Variants in DDX10 observed in about 807,000 individuals in gnomAD.
The protein encoded by DDX10 is probable ATP-dependent RNA helicase DDX10.
A neutral mutation model predicts 104.3 loss-of-function variants in DDX10; 74 were observed. The observed-to-expected ratio is 0.71, with a 90% CI of 0.59 to 0.86. DDX10 has a LOEUF of 0.86. DDX10 is among the 40% of genes least tolerant of loss of function. The pLI is 0.00. For missense variants in DDX10, 952 were observed against 1,040.0 expected (o/e 0.92, Z 1.16); for synonymous variants, 351 against 353.4 (o/e 0.99, Z 0.08).
intron 13 of DDX10, among the ~76,000 whole-genome samples, chr11:108,724,617 C>T (rs192158912): frequency 6.6e-6 from 1 of 151,998 alleles, no homozygotes; most frequent in African/African-American, 2.4e-5. Context: ...AAAGTAAATA[C>T]AAGAAGTTAG....
Position 108,719,858 on chromosome 11 carries a change from G to A in DDX10, c.1472G>A (p.Ser491Asn). Reference sequence around the variant, plus strand: ...AAGGATAAAGAAGTATTTGATGTGAGCAAGTTACCTATACCTGAATATGCC... The same window carrying A: ...AAGGATAAAGAAGTATTTGATGTGAACAAGTTACCTATACCTGAATATGCC... ...LMKDKEVFDV[S>N]KLPIPEYALS... The change falls in exon 12 of 18, where the codon AGC (serine) becomes AAC (asparagine). Residue 491 changes from serine (S) to asparagine (N), a missense_variant. Transcript: ENST00000322536. The A allele has an allele frequency of 1.2e-6, 2 of 1,601,156 alleles. No homozygotes were observed. The highest frequency in any genetic ancestry group is 2.7e-5 in the African/African-American group (2 of 74,796).
Position 108,940,693 on chromosome 11 carries a change from A to T in DDX10, c.*270A>T. On this transcript the variant is annotated 3_prime_UTR_variant, in exon 18 of 18. Transcript: ENST00000322536. ...GTTAGATTTTTATCCATGGGTTCCT[A>T]CGCCTTGTCATTGGAAACACTGCCT... 1 of 297,534 alleles carries T rather than the reference A, an allele frequency of 3.4e-6. No individual in the cohort carries two copies. Among genetic ancestry groups the T allele is most frequent in the Non-Finnish European group, 6.3e-6 (1 of 159,542 alleles). The allele number at this position is 297,534 out of a possible 1,614,324, so 18.4% of individuals were successfully genotyped here.
chr11:108,705,936 T>C lies in DDX10; in HGVS notation c.1224-803T>C, dbSNP rs534264874. Among the ~76,000 whole-genome samples, 3 of 152,182 alleles carry C rather than the reference T, an allele frequency of 2.0e-5. No homozygotes were observed. The East Asian group carries it at 5.8e-4, about 29-fold the overall frequency. ...ACTAGGTGAGGGAAGAGAAGTAACA[T>C]GGATTGGAGGCAAGCATTTTACTTG... On this transcript the variant is annotated intron_variant, in intron 9 of 17. Transcript: ENST00000322536.
chr11:108,865,088 G>T (rs1862992311), intron 16 of DDX10, among the ~76,000 whole-genome samples: 1 of 152,204 alleles, frequency 6.6e-6, no homozygotes, highest in Non-Finnish European at 1.5e-5. Context: ...TCCTTGACGG[G>T]TATACCTGTA....
chr11:108,679,563 A>G lies in DDX10; in HGVS notation c.848+3A>G. On this transcript the variant is annotated splice_donor_region_variant and intron_variant, in intron 6 of 17. Coordinates refer to ENST00000322536, the MANE Select transcript of DDX10 (RefSeq NM_004398.4). Reference sequence around the variant, plus strand: ...GTTCATGAAAAAGCAAAATATAGGTATGTACTCTTTGAGTCAATCAAGATA... The same window carrying G: ...GTTCATGAAAAAGCAAAATATAGGTGTGTACTCTTTGAGTCAATCAAGATA... 4 of 1,572,236 alleles carry G rather than the reference A, an allele frequency of 2.5e-6. No homozygotes were observed. Among genetic ancestry groups the G allele is most frequent in the Non-Finnish European group, 3.4e-6 (4 of 1,162,384 alleles).
intron 13 of DDX10, among the ~76,000 whole-genome samples, chr11:108,738,118 A>G (rs760741493): frequency 6.6e-5 from 10 of 151,688 alleles, no homozygotes; most frequent in Non-Finnish European, 1.2e-4. Context: ...TTTTCTTTGC[A>G]TCTTTTGATC....
chr11:108,672,948 T>A (rs1022849384), intron 1 of DDX10, among the ~76,000 whole-genome samples: 4 of 152,260 alleles, frequency 2.6e-5, no homozygotes, highest in African/African-American at 9.6e-5. Context: ...TGAATAGTTA[T>A]CAGGTTGGAT....
chr11:108,814,844 T>C (rs560323765), intron 13 of DDX10, among the ~76,000 whole-genome samples: 1 of 152,238 alleles, frequency 6.6e-6, no homozygotes, highest in African/African-American at 2.4e-5. Context: ...TTTAGTGCCA[T>C]TGATTAAATA....
intron 1 of DDX10, among the ~76,000 whole-genome samples, chr11:108,665,636 T>C (rs1417283586): frequency 6.6e-5 from 10 of 152,166 alleles, no homozygotes; most frequent in Non-Finnish European, 1.5e-5. Flanking sequence ...GTGGTAATAA[T>C]GACACCTACA....
intron 9 of DDX10, among the ~76,000 whole-genome samples, chr11:108,703,823 CT>C (rs2094272043): frequency 6.6e-6 from 1 of 151,922 alleles, no homozygotes; most frequent in South Asian, 2.1e-4. Flanking sequence ...TACTGGGGAA[CT>C]TTTGGTATTA....
chr11:108,694,151 G>C (rs1837347834), intron 9 of DDX10, among the ~76,000 whole-genome samples: 1 of 152,060 alleles, frequency 6.6e-6, no homozygotes, highest in African/African-American at 2.4e-5. Flanking sequence ...CTTATGAATT[G>C]TTTATTTCTG....
chr11:108,677,870 A>C (rs2094228084), intron 4 of DDX10, among the ~76,000 whole-genome samples: 1 of 151,922 alleles, frequency 6.6e-6, no homozygotes, highest in African/African-American at 2.4e-5. Context: ...CGCCTCCAGG[A>C]CTGTGAGAAG....
chr11:108,838,455 C>G lies in DDX10; in HGVS notation c.1975C>G (p.Pro659Ala), dbSNP rs754775614. 2 of 1,609,222 alleles carry G rather than the reference C, an allele frequency of 1.2e-6. No homozygotes were observed. Among genetic ancestry groups the G allele is most frequent in the Non-Finnish European group, 8.5e-7 (1 of 1,178,518 alleles). Residue 659 changes from proline (P) to alanine (A), a missense_variant, in exon 14 of 18, where the codon CCT becomes GCT. Physicochemically the swap from Pro to Ala is conservative, Grantham distance 27. This residue lies in a region of DDX10 where 533 missense variants were observed against 534.1 expected (regional missense o/e 1.00). Coordinates refer to ENST00000322536, the MANE Select transcript of DDX10 (RefSeq NM_004398.4). ...KDEKTLQKKE[P>A]SKSSIKKKMT... ...GTATGTTCTCACACAGAAGAAAGAA[C>G]CTTCTAAATCCAGCATCAAGAAAAA...
intron 13 of DDX10, among the ~76,000 whole-genome samples, chr11:108,787,241 G>A (rs191668612): frequency 6.6e-6 from 1 of 152,268 alleles, no homozygotes; most frequent in Admixed American, 6.5e-5. Context: ...CCCTCTGCAG[G>A]TGACCTGACC....
intron 1 of DDX10, among the ~76,000 whole-genome samples, chr11:108,665,925 C>G (rs1229282915): frequency 6.6e-6 from 1 of 152,164 alleles, no homozygotes; most frequent in Non-Finnish European, 1.5e-5. Context: ...CTTCATGTCC[C>G]CATCCAAGAA....
In DDX10 at chr11:108,723,104, G is replaced by A. The variant is rs1452238406; in HGVS notation, c.1607G>A (p.Arg536Lys). 6.2e-7 allele frequency: 1 copy of A among 1,613,816 alleles called. No individual in the cohort carries two copies. The highest frequency in any genetic ancestry group is 8.5e-7 in the Non-Finnish European group (1 of 1,179,864). ...RSQADKVIEP[R>K]APSLTNDEVE... Reference sequence around the variant, plus strand: ...CAAGCCGATAAAGTAATTGAGCCAAGGGCTCCCTCCCTCACCAATGACGAA... The same window carrying A: ...CAAGCCGATAAAGTAATTGAGCCAAAGGCTCCCTCCCTCACCAATGACGAA... The change falls in exon 13 of 18, where the codon AGG becomes AAG. Residue 536 changes from arginine to lysine, a missense_variant. Coordinates refer to ENST00000322536, the MANE Select transcript of DDX10 (RefSeq NM_004398.4).
At chr11:108,792,854 G>T (rs2134549635) in intron 13 of DDX10, among the ~76,000 whole-genome samples, 1 of 152,192 alleles carries the variant, frequency 6.6e-6, no homozygotes, top group East Asian at 1.9e-4. Context: ...ATTGTTTTCT[G>T]ATCCTATATT....
chr11:108,806,383 T>C (rs758538304), intron 13 of DDX10, among the ~76,000 whole-genome samples: 2 of 152,308 alleles, frequency 1.3e-5, no homozygotes, highest in African/African-American at 2.4e-5. Context: ...GAGTGTGGTG[T>C]GTATGGCGAA....
In DDX10 at chr11:108,685,253, G is replaced by A. The variant is rs550316301; in HGVS notation, c.849-3683G>A. On this transcript the variant is annotated intron_variant, in intron 6 of 17. Transcript: ENST00000322536. The stretch of plus-strand genomic sequence containing the variant: ...CTCGTGGTGCGCCGTTTCTTAAGCC[G>A]GTCTGAAAAGCGCAATATTCGGGTG... Among the ~76,000 whole-genome samples the A allele has an allele frequency of 3.3e-5, 5 of 151,358 alleles. No homozygotes were observed. In the South Asian group the frequency reaches 8.4e-4, roughly 26 times the overall value.
Sources: gnomAD v4.1 joint callset for allele counts (sites outside exome capture counted in the v4.1 genomes callset) on GRCh38, gnomAD v4.1.1 for gene constraint, gnomAD v4.1.1 regional missense constraint, MANE v1.5 for transcripts, NCBI Gene and HGNC (gene_info 2026-07-23, HGNC 2026-07-21) for gene names.